Variants in SRSF8 observed in about 807,000 individuals in gnomAD.
SRSF8 encodes serine/arginine-rich splicing factor 8.
SRSF8 carries 3 observed loss-of-function variants against 2.0 expected under a neutral mutation model. That is an observed-to-expected ratio of 1.47 (90% CI 0.67 to 3.79). SRSF8 has a LOEUF of 3.79. Among genes scored for constraint, SRSF8 ranks in the 30% most tolerant of loss-of-function variants. The pLI is 0.02. For synonymous variants in SRSF8, 162 were observed against 170.7 expected, an observed-to-expected ratio of 0.95 and a Z score of 0.40; for missense variants, 408 against 410.9, an observed-to-expected ratio of 0.99 and a Z score of 0.06.
rs144699504 is a variant in SRSF8, at chr11:95,068,142, T to C, written c.*67T>C. 8 of 1,419,834 alleles carry C rather than the reference T, an allele frequency of 5.6e-6. No individual in the cohort carries two copies. Among genetic ancestry groups the C allele is most frequent in the East Asian group, 2.4e-5 (1 of 42,552 alleles). The allele number at this position is 1,419,834 out of a possible 1,614,324, so 88.0% of individuals were successfully genotyped here. A position where few individuals can be genotyped will look rare whatever the true frequency, so the allele number is the denominator to read the frequency against. ...GGAAAAGGATCACATACTCAGTCTATGGAAGCAACGTCCCTGGAAGAAGAG... is the reference window on the plus strand; with the variant it reads ...GGAAAAGGATCACATACTCAGTCTACGGAAGCAACGTCCCTGGAAGAAGAG... On this transcript the variant is annotated 3_prime_UTR_variant, in exon 1 of 1. Transcript: ENST00000587424.
In SRSF8 at chr11:95,069,930, T is replaced by C. The variant is rs1212038873; in HGVS notation, c.*1855T>C. ...GACGGGGACGGGGCAGCCCTAAGGG[T>C]AGGGAAGCATTGTCAATTTCTGGGG... On this transcript the variant is annotated 3_prime_UTR_variant, in exon 1 of 1. Transcript: ENST00000587424. The C allele has an allele frequency of 6.0e-6, 1 of 166,770 alleles. No homozygotes were observed. The highest frequency in any genetic ancestry group is 2.4e-5 in the African/African-American group (1 of 41,334). The allele number at this position is 166,770 out of a possible 1,614,324, so 10.3% of individuals were successfully genotyped here.
rs1335568830 is a variant in SRSF8 at position 95,069,101 on chromosome 11, A to C, written c.*1026A>C. The C allele has an allele frequency of 6.0e-6, 1 of 167,042 alleles. No individual in the cohort carries two copies. The highest frequency in any genetic ancestry group is 1.5e-5 in the Non-Finnish European group (1 of 68,128). 10.3% of individuals were successfully genotyped at this position (167,042 alleles called of 1,614,324 possible). ...CTTGGTGTTATCTTTTCTCAGAATA[A>C]AATTAGAAACTTTTGATGGAAAGTA... On this transcript the variant is annotated 3_prime_UTR_variant, in exon 1 of 1. Transcript: ENST00000587424.
At position 95,068,071 on chromosome 11, in the gene SRSF8, C is replaced by T; in HGVS notation, c.845C>T (p.Ser282Phe). Residue 282 changes from serine (S) to phenylalanine (F), a missense_variant, in exon 1 of 1, where the codon TCT becomes TTT. Around this residue, in one of 2 missense-constraint regions of SRSF8, gnomAD observed 346 missense variants for 316.5 expected, o/e 1.09. Transcript: ENST00000587424. ...CCTGAAGAGGAAGGACAGATGTCCT[C>T]TTAAGAAAATGATGCATCAGGAAGC... Reference protein sequence around the residue: ...KSPEEEGQMSS With the variant: ...KSPEEEGQMSF The T allele has an allele frequency of 6.2e-6, 10 of 1,603,224 alleles. No homozygotes were observed. Among genetic ancestry groups the T allele is most frequent in the Non-Finnish European group, 8.5e-6 (10 of 1,171,302 alleles).
chr11:95,067,777 G>A lies in SRSF8; in HGVS notation c.551G>A (p.Arg184His). ...PYSRSRYRESRYGGSHYSSSG... is the reference protein window; with the variant it reads ...PYSRSRYRESHYGGSHYSSSG... ...AGCAGATCTCGCTACAGGGAATCTC[G>A]CTACGGCGGATCTCACTACAGCTCA... Residue 184 changes from arginine to histidine, a missense_variant, in exon 1 of 1, where the codon CGC becomes CAC. By Grantham distance (29) the Arg-to-His change is conservative. Around this residue, in one of 2 missense-constraint regions of SRSF8, gnomAD observed 346 missense variants for 316.5 expected, o/e 1.09. Transcript: ENST00000587424. 1 of 1,613,984 alleles carries A rather than the reference G, an allele frequency of 6.2e-7. No homozygotes were observed. The highest frequency in any genetic ancestry group is 8.5e-7 in the Non-Finnish European group (1 of 1,179,882).
Position 95,070,745 on chromosome 11 carries a change from T to G in SRSF8, c.*2670T>G, listed in dbSNP as rs1217391313. On this transcript the variant is annotated 3_prime_UTR_variant, in exon 1 of 1. Transcript: ENST00000587424. ...ACAATGGCTTAGACTTCAGTGGTAG[T>G]GTTGGAAATGGACATAAATAGACAT... 6.0e-6 allele frequency: 1 copy of G among 167,054 alleles called. No homozygotes were observed. The highest frequency in any genetic ancestry group is 1.5e-5 in the Non-Finnish European group (1 of 68,120). 10.3% of individuals were successfully genotyped at this position (167,054 alleles called of 1,614,324 possible).
In SRSF8 at chr11:95,070,396, A is replaced by C. The variant is rs1181967979; in HGVS notation, c.*2321A>C. The stretch of plus-strand genomic sequence containing the variant: ...AAAAAAAAAAAAAAGAAAAAGGAAA[A>C]AAACAAACAAACAACAACTTTGAAA... On this transcript the variant is annotated 3_prime_UTR_variant, in exon 1 of 1. Coordinates refer to ENST00000587424, the MANE Select transcript of SRSF8 (RefSeq NM_032102.4). 6.1e-6 allele frequency: 1 copy of C among 165,082 alleles called. No individual in the cohort carries two copies. Among genetic ancestry groups the C allele is most frequent in the East Asian group, 1.9e-4 (1 of 5,192 alleles). The allele number at this position is 165,082 out of a possible 1,614,324, so 10.2% of individuals were successfully genotyped here.
Position 95,067,571 on chromosome 11 carries a change from ACGGCGGAGCCGCAGCTACGGG to A in SRSF8, c.361_381del (p.Tyr121_Ser127del), listed in dbSNP as rs782308158. 31,740 of 1,543,294 alleles carry A rather than the reference ACGGCGGAGCCGCAGCTACGGG, an allele frequency of 0.021. 407 individuals carry two copies. Among genetic ancestry groups the A allele is most frequent in the Non-Finnish European group, 0.022 (25,594 of 1,145,302 alleles). On this transcript the variant is annotated inframe_deletion, in exon 1 of 1. Transcript: ENST00000587424. ...GCAGGTCCAGAGGCGGCGGCTACGG[ACGGCGGAGCCGCAGCTACGGG>A]CGGCGGAGCCGCAGCCCCAGGCGGC...
rs1188585751 is a variant in SRSF8, at chr11:95,067,107, C to T, written c.-120C>T. 3 of 1,053,750 alleles carry T rather than the reference C, an allele frequency of 2.8e-6. No individual in the cohort carries two copies. The highest frequency in any genetic ancestry group is 3.8e-6 in the Non-Finnish European group (3 of 779,704). The allele number at this position is 1,053,750 out of a possible 1,614,324, so 65.3% of individuals were successfully genotyped here. A position where few individuals can be genotyped will look rare whatever the true frequency, so the allele number is the denominator to read the frequency against. On this transcript the variant is annotated 5_prime_UTR_variant, in exon 1 of 1. Coordinates refer to ENST00000587424, the MANE Select transcript of SRSF8 (RefSeq NM_032102.4). Reference sequence around the variant, plus strand: ...CTCCCTGCGGAGCTCCGCCGCCCGCCTCTCCGCCCGGCCTTTCCCGGCGTC... The same window carrying T: ...CTCCCTGCGGAGCTCCGCCGCCCGCTTCTCCGCCCGGCCTTTCCCGGCGTC...
Position 95,067,985 on chromosome 11 carries a change from TC to T in SRSF8, c.763del (p.Arg255GlyfsTer38). On this transcript the variant is annotated frameshift_variant, in exon 1 of 1. Coordinates refer to ENST00000587424, the MANE Select transcript of SRSF8 (RefSeq NM_032102.4). LOFTEE classifies it high-confidence loss of function. Reference sequence around the variant, plus strand: ...GGTCTTCATCTATGACCAGGAGTCCTCCCCGGGTATCCAAGAGGAAATCCAA... The same window carrying T: ...GGTCTTCATCTATGACCAGGAGTCCTCCCGGGTATCCAAGAGGAAATCCAA... ...SRSSSMTRSP[P>X]RVSKRKSKSR... 5 of 1,613,836 alleles carry T rather than the reference TC, an allele frequency of 3.1e-6. No homozygotes were observed. In the South Asian group the frequency reaches 5.5e-5, roughly 18 times the overall value.
At position 95,069,880 on chromosome 11, in the gene SRSF8, A is replaced by T. The variant is rs680673; in HGVS notation, c.*1805A>T. On this transcript the variant is annotated 3_prime_UTR_variant, in exon 1 of 1. Coordinates refer to ENST00000587424, the MANE Select transcript of SRSF8 (RefSeq NM_032102.4). ...AGCAGGTGGCGAAGGGAGGTGAGGT[A>T]TATTTATTAAATGGGACCGAGTGGG... The T allele has an allele frequency of 0.53, 87,986 of 166,898 alleles. 23,618 individuals are homozygous for T. The highest frequency in any genetic ancestry group is 0.59 in the Non-Finnish European group (40,054 of 68,090). 10.3% of individuals were successfully genotyped at this position (166,898 alleles called of 1,614,324 possible). A position where few individuals can be genotyped will look rare whatever the true frequency, so the allele number is the denominator to read the frequency against.
chr11:95,071,142 A>G lies in SRSF8; in HGVS notation c.*3067A>G, dbSNP rs895445685. On this transcript the variant is annotated 3_prime_UTR_variant, in exon 1 of 1. Transcript: ENST00000587424. Reference sequence around the variant, plus strand: ...TCTTTAAGATTCTCTGTATTGTTGCATGTGGCTGAGTTTATTTTTGATGCT... The same window carrying G: ...TCTTTAAGATTCTCTGTATTGTTGCGTGTGGCTGAGTTTATTTTTGATGCT... 1 of 167,076 alleles carries G rather than the reference A, an allele frequency of 6.0e-6. No homozygotes were observed. The highest frequency in any genetic ancestry group is 1.5e-5 in the Non-Finnish European group (1 of 68,116). 10.3% of individuals were successfully genotyped at this position (167,076 alleles called of 1,614,324 possible). A position where few individuals can be genotyped will look rare whatever the true frequency, so the allele number is the denominator to read the frequency against.
Position 95,067,144 on chromosome 11 carries a change from C to A in SRSF8, c.-83C>A. ...CCTTTCCCGGCGTCCCCACGCGGGG[C>A]GCAACCGCGAGAAAGAAACGCAGGT... is the stretch of plus-strand genomic sequence containing the variant. On this transcript the variant is annotated 5_prime_UTR_variant, in exon 1 of 1. Coordinates refer to ENST00000587424, the MANE Select transcript of SRSF8 (RefSeq NM_032102.4). 2 of 1,284,954 alleles carry A rather than the reference C, an allele frequency of 1.6e-6. No homozygotes were observed. The highest frequency in any genetic ancestry group is 1.0e-6 in the Non-Finnish European group (1 of 987,208). The allele number at this position is 1,284,954 out of a possible 1,614,324, so 79.6% of individuals were successfully genotyped here. A position where few individuals can be genotyped will look rare whatever the true frequency, so the allele number is the denominator to read the frequency against.
chr11:95,070,690 G>A lies in SRSF8; in HGVS notation c.*2615G>A, dbSNP rs782054247. On this transcript the variant is annotated 3_prime_UTR_variant, in exon 1 of 1. Coordinates refer to ENST00000587424, the MANE Select transcript of SRSF8 (RefSeq NM_032102.4). ...ATGTGGTCAAGAGTGGAAGCTGTGA[G>A]GCTATTGCAGTAATCCAGAAAGAAA... The A allele has an allele frequency of 9.6e-5, 16 of 167,118 alleles. No homozygotes were observed. The Admixed American group carries it at 9.8e-4, about 10-fold the overall frequency. 10.4% of individuals were successfully genotyped at this position (167,118 alleles called of 1,614,324 possible).
rs1590997682 is a variant in SRSF8, at chr11:95,068,875, C to G, written c.*800C>G. 1 of 167,120 alleles carries G rather than the reference C, an allele frequency of 6.0e-6. No individual in the cohort carries two copies. The highest frequency in any genetic ancestry group is 1.5e-5 in the Non-Finnish European group (1 of 68,150). The allele number at this position is 167,120 out of a possible 1,614,324, so 10.4% of individuals were successfully genotyped here. A position where few individuals can be genotyped will look rare whatever the true frequency, so the allele number is the denominator to read the frequency against. On this transcript the variant is annotated 3_prime_UTR_variant, in exon 1 of 1. Transcript: ENST00000587424. Reference sequence around the variant, plus strand: ...ATAATGGAGCATGCAGTGAGCACATCTAGCTGACGATAATCACACCTTTTC... The same window carrying G: ...ATAATGGAGCATGCAGTGAGCACATGTAGCTGACGATAATCACACCTTTTC...
Position 95,069,600 on chromosome 11 carries a change from A to G in SRSF8, c.*1525A>G, listed in dbSNP as rs934424546. On this transcript the variant is annotated 3_prime_UTR_variant, in exon 1 of 1. Transcript: ENST00000587424. ...GCTAAATCCAGGGTTCGATTCTTGA[A>G]TGAACTGGCAAGGTGGCTGTGGTCT... The G allele has an allele frequency of 1.2e-5, 2 of 167,072 alleles. No individual in the cohort carries two copies. The highest frequency in any genetic ancestry group is 2.9e-5 in the Non-Finnish European group (2 of 68,124). 10.3% of individuals were successfully genotyped at this position (167,072 alleles called of 1,614,324 possible). A position where few individuals can be genotyped will look rare whatever the true frequency, so the allele number is the denominator to read the frequency against.
chr11:95,068,244 C>A lies in SRSF8; in HGVS notation c.*169C>A. ...AAGCTTTGCATCAGGTGGCAAAATT[C>A]ATTCTATGTGCCGTTTTGTTGTTAT... On this transcript the variant is annotated 3_prime_UTR_variant, in exon 1 of 1. Coordinates refer to ENST00000587424, the MANE Select transcript of SRSF8 (RefSeq NM_032102.4). 1.5e-6 allele frequency: 1 copy of A among 655,596 alleles called. No homozygotes were observed. The highest frequency in any genetic ancestry group is 2.6e-6 in the Non-Finnish European group (1 of 378,574). 40.6% of individuals were successfully genotyped at this position (655,596 alleles called of 1,614,324 possible).
chr11:95,070,862 C>T lies in SRSF8; in HGVS notation c.*2787C>T, dbSNP rs1489309216. 1.2e-5 allele frequency: 2 copies of T among 167,122 alleles called. No individual in the cohort carries two copies. Among genetic ancestry groups the T allele is most frequent in the South Asian group, 2.1e-4 (1 of 4,836 alleles). The allele number at this position is 167,122 out of a possible 1,614,324, so 10.4% of individuals were successfully genotyped here. On this transcript the variant is annotated 3_prime_UTR_variant, in exon 1 of 1. Transcript: ENST00000587424. ...GAAAAAGCAGAATTAAGGATGACTTCTCACTGGCTTGAAATGCTAAATGGA... is the reference window on the plus strand; with the variant it reads ...GAAAAAGCAGAATTAAGGATGACTTTTCACTGGCTTGAAATGCTAAATGGA...
Position 95,068,257 on chromosome 11 carries a change from G to C in SRSF8, c.*182G>C. ...GGTGGCAAAATTCATTCTATGTGCC[G>C]TTTTGTTGTTATTCACATTTTATTG... is the stretch of plus-strand genomic sequence containing the variant. On this transcript the variant is annotated 3_prime_UTR_variant, in exon 1 of 1. Transcript: ENST00000587424. 1 of 621,446 alleles carries C rather than the reference G, an allele frequency of 1.6e-6. No individual in the cohort carries two copies. The allele number at this position is 621,446 out of a possible 1,614,324, so 38.5% of individuals were successfully genotyped here. A position where few individuals can be genotyped will look rare whatever the true frequency, so the allele number is the denominator to read the frequency against.
chr11:95,067,619 A>C lies in SRSF8; in HGVS notation c.393A>C (p.Arg131=), dbSNP rs1555107116. ...YGRRSRSPRR[R]HRSRSRGPSC... ...GGCGGAGCCGCAGCCCCAGGCGGCGACACCGCAGCCGATCCCGGGGTCCCA... is the reference window on the plus strand; with the variant it reads ...GGCGGAGCCGCAGCCCCAGGCGGCGCCACCGCAGCCGATCCCGGGGTCCCA... Residue 131 remains arginine, a synonymous_variant, in exon 1 of 1, where the codon CGA becomes CGC. Transcript: ENST00000587424. The C allele has an allele frequency of 6.4e-6, 10 of 1,572,114 alleles. No homozygotes were observed. The Admixed American group carries it at 1.7e-4, about 26-fold the overall frequency.
Sources: allele counts gnomAD v4.1 joint callset, GRCh38; gene constraint gnomAD v4.1.1; regional missense constraint gnomAD v4.1.1; transcripts MANE v1.5; gene names NCBI Gene and HGNC (gene_info 2026-07-23, HGNC 2026-07-21).